CHST9: variants seen among roughly 807,000 people sequenced by gnomAD.
CHST9 encodes carbohydrate sulfotransferase 9.
In CHST9, 41 loss-of-function variants were observed where a neutral mutation model predicts 44.4. The observed-to-expected ratio is 0.92, with a 90% confidence interval of 0.72 to 1.20. CHST9 has a LOEUF of 1.20. CHST9 is among the 50% of genes most tolerant of loss of function. The pLI is 0.00. For synonymous variants in CHST9, 171 were observed against 178.4 expected, an observed-to-expected ratio of 0.96 and a Z score of 0.33; for missense variants, 504 against 516.5, an observed-to-expected ratio of 0.98 and a Z score of 0.23.
Position 26,915,110 on chromosome 18 carries a change from T to G in CHST9, c.*1149A>C. On this transcript the variant is annotated 3_prime_UTR_variant, in exon 6 of 6. Coordinates refer to ENST00000618847, the MANE Select transcript of CHST9 (RefSeq NM_031422.6). The stretch of plus-strand genomic sequence containing the variant: ...TTTAATATTTGAATGCAATGGTATC[T>G]GACTTTGTTAGTATAGAATATTTAA... 1 of 395,904 alleles carries G rather than the reference T, an allele frequency of 2.5e-6. No homozygotes were observed. Among genetic ancestry groups the G allele is most frequent in the Non-Finnish European group, 4.5e-6 (1 of 224,426 alleles). 24.5% of individuals were successfully genotyped at this position (395,904 alleles called of 1,614,324 possible).
At chr18:26,936,553 G>A (rs1474230166) in intron 5 of CHST9, 3 of 152,136 alleles carry the variant, frequency 2.0e-5, no homozygotes, top group East Asian at 3.9e-4. Flanking sequence ...AATACTGAAC[G>A]GCTCTACTAA....
chr18:26,951,679 A>G lies in CHST9; in HGVS notation c.203-7313T>C, dbSNP rs193126. Among the ~76,000 whole-genome samples, 260 of 152,330 alleles carry G rather than the reference A, an allele frequency of 1.7e-3. 2 individuals are homozygous for G. Among genetic ancestry groups the G allele is most frequent in the Non-Finnish European group, 1.1e-3 (78 of 68,040 alleles). On this transcript the variant is annotated intron_variant, in intron 4 of 5. Transcript: ENST00000618847. ...TTACATAAAAAGTTACAATTAAATC[A>G]ACATAAATCTTTTGTTTTAATAAAT...
chr18:27,004,359 A>G (rs1186737495), intron 4 of CHST9, among the ~76,000 whole-genome samples: 1 of 149,040 alleles, frequency 6.7e-6, no homozygotes, highest in South Asian at 2.1e-4. Context: ...TTTTTTTATT[A>G]TTATATTTCT....
intron 4 of CHST9, among the ~76,000 whole-genome samples, chr18:27,004,741 C>T (rs1435844738): frequency 1.3e-5 from 2 of 152,092 alleles, no homozygotes; most frequent in South Asian, 2.1e-4. Flanking sequence ...ATCCAACTTT[C>T]GATCAATTTA....
At chr18:27,062,454 T>C (rs1265099801) in intron 2 of CHST9, among the ~76,000 whole-genome samples, 1 of 152,176 alleles carries the variant, frequency 6.6e-6, no homozygotes, top group African/African-American at 2.4e-5. Context: ...GAATGATGGT[T>C]TCCAGCTTCA....
intron 2 of CHST9, among the ~76,000 whole-genome samples, chr18:27,127,160 C>T (rs1370458493): frequency 6.6e-6 from 1 of 152,090 alleles, no homozygotes; most frequent in African/African-American, 2.4e-5. Flanking sequence ...ACTACAGAGA[C>T]TTGCAAGGGA....
intron 1 of CHST9, among the ~76,000 whole-genome samples, chr18:27,151,039 GA>G (rs1431741159): frequency 6.6e-6 from 1 of 152,078 alleles, no homozygotes; most frequent in Non-Finnish European, 1.5e-5. Flanking sequence ...TATTTAAAGG[GA>G]AAGAAACTGA....
chr18:27,161,051 C>CA (rs2058742771), intron 1 of CHST9, among the ~76,000 whole-genome samples: 1 of 151,720 alleles, frequency 6.6e-6, no homozygotes, highest in Non-Finnish European at 1.5e-5. Flanking sequence ...TTGATCTTTT[C>CA]AAAAAACCAG....
At chr18:27,025,049 A>G (rs1347913310) in intron 3 of CHST9, among the ~76,000 whole-genome samples, 1 of 147,650 alleles carries the variant, frequency 6.8e-6, no homozygotes, top group Non-Finnish European at 1.5e-5. Flanking sequence ...CCTTTAAAAC[A>G]TTATATATAT....
chr18:26,939,678 G>GCTGT (rs1384184094), intron 5 of CHST9, among the ~76,000 whole-genome samples: 2 of 152,120 alleles, frequency 1.3e-5, no homozygotes, highest in African/African-American at 4.8e-5. Flanking sequence ...AAGAAGCCCT[G>GCTGT]CTGTCCCTCA....
intron 4 of CHST9, among the ~76,000 whole-genome samples, chr18:26,950,116 A>C (rs2056223732): frequency 6.6e-6 from 1 of 152,256 alleles, no homozygotes; most frequent in African/African-American, 2.4e-5. Flanking sequence ...AAATGAATTC[A>C]AACAAGTTCT....
At chr18:27,172,387 T>C (rs928867721) in intron 1 of CHST9, among the ~76,000 whole-genome samples, 10 of 152,026 alleles carry the variant, frequency 6.6e-5, no homozygotes, top group Admixed American at 6.6e-4. Context: ...AAATTCTTAG[T>C]GGTATGAGTG....
At position 26,917,042 on chromosome 18, in the gene CHST9, C is replaced by T; in HGVS notation, c.549G>A (p.Gln183=). The stretch of plus-strand genomic sequence containing the variant: ...CCCCACCGTATTTCTTGCAAAACTC[C>T]TGAAGGAAAGACCTTCGTTTCTCTT... ...ETQEKRRSFL[Q]EFCKKYGGVS... is the part of the protein sequence containing the mutation. The change falls in exon 6 of 6, where the codon CAG becomes CAA. Residue 183 remains glutamine, a synonymous_variant. Transcript: ENST00000618847. The T allele has an allele frequency of 6.2e-7, 1 of 1,613,970 alleles. No individual in the cohort carries two copies. The highest frequency in any genetic ancestry group is 8.5e-7 in the Non-Finnish European group (1 of 1,179,880).
In CHST9 at chr18:27,052,736, G is replaced by A. The variant is rs1054639814; in HGVS notation, c.122-4233C>T. On this transcript the variant is annotated intron_variant, in intron 2 of 5. Transcript: ENST00000618847. ...GCACATATACACCATGGAATACTAT[G>A]CAGCCATAAAAAAGAATGAGTTCAT... Among the ~76,000 whole-genome samples the A allele has an allele frequency of 7.2e-5, 11 of 152,102 alleles. 1 individual carries two copies. The highest frequency in any genetic ancestry group is 7.2e-4 in the Admixed American group (11 of 15,270).
At chr18:27,126,963 GAGGA>G (rs1302076692) in intron 2 of CHST9, among the ~76,000 whole-genome samples, 1 of 152,228 alleles carries the variant, frequency 6.6e-6, no homozygotes, top group Admixed American at 6.5e-5. Context: ...TGCAGGCAGA[GAGGA>G]AGGAAGAGGA....
At chr18:27,069,342 CT>C (rs2057814903) in intron 2 of CHST9, among the ~76,000 whole-genome samples, 1 of 152,122 alleles carries the variant, frequency 6.6e-6, no homozygotes, top group South Asian at 2.1e-4. Context: ...ATGATCCCAC[CT>C]GTGACATACT....
chr18:27,042,489 A>G (rs1172823361), intron 3 of CHST9, among the ~76,000 whole-genome samples: 1 of 152,046 alleles, frequency 6.6e-6, no homozygotes, highest in Non-Finnish European at 1.5e-5. Flanking sequence ...GAGGAGCACA[A>G]TCAGTTTTCT....
chr18:27,013,783 T>C (rs902759503), intron 4 of CHST9, among the ~76,000 whole-genome samples: 2 of 152,360 alleles, frequency 1.3e-5, no homozygotes, highest in Admixed American at 1.3e-4. Context: ...TAGAATTTCC[T>C]AGATGATCAT....
intron 4 of CHST9, among the ~76,000 whole-genome samples, chr18:26,979,365 G>GA (rs2056664250): frequency 6.6e-6 from 1 of 151,978 alleles, no homozygotes; most frequent in South Asian, 2.1e-4. Context: ...TGCATATATG[G>GA]AAAAAAACTA....
Sources: gnomAD v4.1 joint callset for allele counts (sites outside exome capture counted in the v4.1 genomes callset) on GRCh38, gnomAD v4.1.1 for gene constraint, MANE v1.5 for transcripts, NCBI Gene and HGNC (gene_info 2026-07-23, HGNC 2026-07-21) for gene names.